The following OCA2 variants were observed in gnomAD, a reference collection of about 807,000 sequenced individuals.
OCA2 encodes OCA2 melanosomal transmembrane protein.
Under a neutral mutation model 100.2 loss-of-function variants are expected in OCA2, and 77 were observed. The observed-to-expected ratio is 0.77, with a 90% CI of 0.64 to 0.93. The LOEUF is 0.93. Ranked by LOEUF, OCA2 falls within the 40% of genes least tolerant of loss-of-function variation. The pLI is 0.00. For synonymous variants in OCA2, 432 were observed against 439.2 expected (o/e 0.98, Z 0.21); for missense variants, 1,062 against 1,089.1 (o/e 0.98, Z 0.35).
intron 19 of OCA2, among the ~76,000 whole-genome samples, chr15:27,923,932 C>T (rs1281897900): frequency 6.6e-6 from 1 of 152,158 alleles, no homozygotes; most frequent in East Asian, 1.9e-4. Flanking sequence ...AAAATCTTTT[C>T]CCGTGCCTAT....
chr15:27,926,368 C>T (rs949540287), intron 18 of OCA2, 114 bp from the exon 19 acceptor site: 14 of 1,104,246 alleles, frequency 1.3e-5, no homozygotes, highest in South Asian at 2.6e-5. Flanking sequence ...TACTACAAAC[C>T]GCATATATGT....
chr15:27,735,211 T>C, the OCA2 span, among the ~76,000 whole-genome samples: 1 of 151,790 alleles, frequency 6.6e-6, no homozygotes, highest in Admixed American at 6.6e-5. Context: ...AAAAATACAA[T>C]GAATGACACA....
In OCA2 at chr15:27,989,607, A is replaced by C; in HGVS notation, c.1176T>G (p.Phe392Leu). ...WIDFETLALL[F>L]GMMILVAIFS... is the part of the protein sequence containing the mutation. ...CGGGGAGAGCTGTAATTACCATGCCAAACAGCAGGGCCAGCGTCTCAAAAT... is the reference window on the plus strand; with the variant it reads ...CGGGGAGAGCTGTAATTACCATGCCCAACAGCAGGGCCAGCGTCTCAAAAT... Residue 392 changes from phenylalanine (F) to leucine (L), a missense_variant, in exon 11 of 24, where the codon TTT becomes TTG. Transcript: ENST00000354638. 6.2e-7 allele frequency: 1 copy of C among 1,614,022 alleles called. No individual in the cohort carries two copies. The highest frequency in any genetic ancestry group is 8.5e-7 in the Non-Finnish European group (1 of 1,179,902).
chr15:27,957,815 C>T lies in OCA2; in HGVS notation c.1637-80G>A, dbSNP rs2040279825. 5.9e-6 allele frequency: 9 copies of T among 1,534,316 alleles called. No individual in the cohort carries two copies. The highest frequency in any genetic ancestry group is 1.4e-5 in the African/African-American group (1 of 73,574). On this transcript the variant is annotated intron_variant, in intron 15 of 23. Coordinates refer to ENST00000354638, the MANE Select transcript of OCA2 (RefSeq NM_000275.3). This position sits in a 1 kb window ranked among gnomAD's most constrained non-coding sequence, Gnocchi z 4.3. Reference sequence around the variant, plus strand: ...CACCCTCCTCTGTTCCCCACACAGTCGATGCCTGACAGAGCAGACACACAC... The same window carrying T: ...CACCCTCCTCTGTTCCCCACACAGTTGATGCCTGACAGAGCAGACACACAC...
chr15:27,847,355 C>T (rs1463518057), intron 22 of OCA2, among the ~76,000 whole-genome samples: 1 of 152,214 alleles, frequency 6.6e-6, no homozygotes, highest in Non-Finnish European at 1.5e-5. Flanking sequence ...TCCCTCCCCT[C>T]ACAGGATGGC....
chr15:27,854,008 A>C (rs1249806952), intron 21 of OCA2, among the ~76,000 whole-genome samples: 1 of 152,158 alleles, frequency 6.6e-6, no homozygotes, highest in Non-Finnish European at 1.5e-5. Flanking sequence ...ACTTGGGAAG[A>C]TCCATTCACT....
At chr15:27,719,467 G>C in the OCA2 span, among the ~76,000 whole-genome samples, 6 of 152,002 alleles carry the variant, frequency 3.9e-5, no homozygotes, top group Admixed American at 1.3e-4. Context: ...ACGAACTTGC[G>C]GGGGGGACCA....
At chr15:27,843,635 G>GC (rs1363213543) in intron 23 of OCA2, among the ~76,000 whole-genome samples, 2 of 152,158 alleles carry the variant, frequency 1.3e-5, no homozygotes, top group African/African-American at 4.8e-5. Flanking sequence ...CGCACATTCA[G>GC]CGTCCCCTGA....
intron 23 of OCA2, among the ~76,000 whole-genome samples, chr15:27,834,748 A>C (rs890594228): frequency 6.6e-6 from 1 of 152,332 alleles, no homozygotes; most frequent in African/African-American, 2.4e-5. Context: ...TGCTTGCAGA[A>C]TGTTGCTAAG....
intron 20 of OCA2, 72 bp downstream of exon 20, chr15:27,871,791 T>TA (rs2036585514): frequency 1.7e-6 from 2 of 1,146,924 alleles, no homozygotes; most frequent in East Asian, 4.7e-5. Context: ...CAGAGTGCTT[T>TA]TTTTTTTTAA....
intron 23 of OCA2, among the ~76,000 whole-genome samples, chr15:27,786,235 T>C (rs2032809505): frequency 6.6e-6 from 1 of 152,194 alleles, no homozygotes. Flanking sequence ...ACCTTTGTTC[T>C]TCTTCAAGAT....
At chr15:27,969,271 G>A (rs2040689255) in intron 14 of OCA2, among the ~76,000 whole-genome samples, 1 of 151,796 alleles carries the variant, frequency 6.6e-6, no homozygotes, top group East Asian at 1.9e-4. Context: ...TGCGTCCACA[G>A]CAAAATGACA....
the OCA2 span, among the ~76,000 whole-genome samples, chr15:27,729,607 G>C: frequency 6.6e-6 from 1 of 152,090 alleles, no homozygotes; most frequent in Non-Finnish European, 1.5e-5. Context: ...CAACAACAGG[G>C]TCTCCCTACT....
At chr15:27,954,870 C>T (rs993688481) in intron 17 of OCA2, among the ~76,000 whole-genome samples, 1 of 152,190 alleles carries the variant, frequency 6.6e-6, no homozygotes, top group African/African-American at 2.4e-5. Context: ...GGGCCAGGAG[C>T]GGGCTGGTGG....
the OCA2 span, among the ~76,000 whole-genome samples, chr15:27,747,876 T>C: frequency 2.0e-5 from 3 of 152,116 alleles, no homozygotes; most frequent in Non-Finnish European, 4.4e-5. Flanking sequence ...CTCAGTACAA[T>C]TATGCATCTT....
intron 19 of OCA2, among the ~76,000 whole-genome samples, chr15:27,896,842 A>C (rs376581594): frequency 6.6e-6 from 1 of 152,222 alleles, no homozygotes; most frequent in South Asian, 2.1e-4. Flanking sequence ...AGTAATGAGA[A>C]GCCGAATGTT....
At position 27,800,000 on chromosome 15, in the gene OCA2, G is replaced by A. The variant is rs551356610; in HGVS notation, c.2433-44528C>T. The stretch of plus-strand genomic sequence containing the variant: ...TGCTGTAAGGATTTGGGTCATACAA[G>A]GTATCTTACCCAGCCACATGGAGTT... On this transcript the variant is annotated intron_variant, in intron 23 of 23. Transcript: ENST00000354638. 1.1e-4 allele frequency among the ~76,000 whole-genome samples: 17 copies of A among 152,216 alleles called. No homozygotes were observed. The South Asian group carries it at 3.5e-3, about 32-fold the overall frequency.
chr15:27,807,818 G>A (rs1350465580), intron 23 of OCA2, among the ~76,000 whole-genome samples: 1 of 152,198 alleles, frequency 6.6e-6, no homozygotes, highest in East Asian at 1.9e-4. Context: ...TCTTTAATCT[G>A]GTTACATAAC....
At chr15:27,744,135 C>T in the OCA2 span, among the ~76,000 whole-genome samples, 3 of 152,308 alleles carry the variant, frequency 2.0e-5, no homozygotes, top group African/African-American at 4.8e-5. Context: ...CAAAGACAGG[C>T]AGGCAACAAG....
Sources: gnomAD v4.1 joint callset for allele counts (sites outside exome capture counted in the v4.1 genomes callset) on GRCh38, gnomAD v4.1.1 for gene constraint, Gnocchi (gnomAD v3.1) non-coding constraint, MANE v1.5 for transcripts, NCBI Gene and HGNC (gene_info 2026-07-23, HGNC 2026-07-21) for gene names.